CDH13: variants seen among roughly 807,000 people sequenced by gnomAD.
The protein encoded by CDH13 is cadherin-13.
CDH13 carries 24 observed loss-of-function variants against 63.8 expected under a neutral mutation model. The observed-to-expected ratio is 0.38, with a 90% CI of 0.27 to 0.53. The LOEUF is 0.53. Among genes scored for constraint, CDH13 ranks in the 20% least tolerant of loss-of-function variants. The probability of loss-of-function intolerance (pLI) is 0.85; values close to 1 mark genes in which losing one functional copy is unlikely to be tolerated. For synonymous variants in CDH13, 503 were observed against 355.3 expected (o/e 1.42, Z -4.67); for missense variants, 1,049 against 903.1 (o/e 1.16, Z -2.07).
intron 3 of CDH13, among the ~76,000 whole-genome samples, chr16:83,054,849 C>T (rs1346053048): frequency 4.6e-5 from 7 of 151,906 alleles, no homozygotes; most frequent in African/African-American, 1.7e-4. Flanking sequence ...TTTTACTAAA[C>T]AAAATTTGGT....
chr16:83,359,321 A>G (rs997111053), intron 6 of CDH13, among the ~76,000 whole-genome samples: 3 of 152,214 alleles, frequency 2.0e-5, no homozygotes, highest in African/African-American at 4.8e-5. Flanking sequence ...CAATGCCCCA[A>G]AAGGATGGCT....
chr16:82,669,624 A>G (rs999643161), intron 1 of CDH13, among the ~76,000 whole-genome samples: 6 of 152,388 alleles, frequency 3.9e-5, no homozygotes, highest in Middle Eastern at 3.4e-3. Flanking sequence ...TAATTGTAGT[A>G]TGGCCCAATG....
intron 4 of CDH13, among the ~76,000 whole-genome samples, chr16:83,143,578 C>G (rs370390260): frequency 6.6e-6 from 1 of 152,158 alleles, no homozygotes; most frequent in African/African-American, 2.4e-5. Flanking sequence ...AGTTCCTTAT[C>G]TTAAACAGAA....
chr16:83,752,291 C>T (rs1444009365), intron 11 of CDH13, among the ~76,000 whole-genome samples: 2 of 152,180 alleles, frequency 1.3e-5, no homozygotes, highest in Non-Finnish European at 2.9e-5. Flanking sequence ...TGAATTGTTA[C>T]CAGAAGCGAG....
At chr16:82,861,440 C>T (rs1471811589) in intron 2 of CDH13, among the ~76,000 whole-genome samples, 2 of 152,190 alleles carry the variant, frequency 1.3e-5, no homozygotes, top group Non-Finnish European at 2.9e-5. Context: ...CATAGTATAT[C>T]TACCCCTACC....
At chr16:83,257,842 A>G (rs1170411713) in intron 5 of CDH13, among the ~76,000 whole-genome samples, 1 of 152,232 alleles carries the variant, frequency 6.6e-6, no homozygotes, top group Non-Finnish European at 1.5e-5. Context: ...AGGAATCGCC[A>G]TACTATCTTC....
chr16:82,936,524 G>A (rs933354298), intron 2 of CDH13, among the ~76,000 whole-genome samples: 4 of 152,124 alleles, frequency 2.6e-5, no homozygotes, highest in Non-Finnish European at 5.9e-5. Flanking sequence ...CCTTGGTGCT[G>A]AAAAGGTTGG....
chr16:83,524,582 A>G (rs1457906294), intron 7 of CDH13, among the ~76,000 whole-genome samples: 2 of 149,668 alleles, frequency 1.3e-5, no homozygotes, highest in African/African-American at 4.9e-5. Context: ...CCTCCCAAGT[A>G]GCTGGGACTA....
chr16:82,809,915 G>A (rs7188850), intron 1 of CDH13, among the ~76,000 whole-genome samples: 27,269 of 151,828 alleles, frequency 0.18, 3,275 homozygotes, highest in East Asian at 0.61. Context: ...GAAAAAAAAA[G>A]GGACAGATTT....
At chr16:82,783,427 C>T (rs999749854) in intron 1 of CDH13, among the ~76,000 whole-genome samples, 8 of 152,322 alleles carry the variant, frequency 5.3e-5, no homozygotes, top group South Asian at 2.1e-4. Context: ...TGCAGAGCTG[C>T]GTGAGCCTGC....
intron 3 of CDH13, among the ~76,000 whole-genome samples, chr16:83,117,395 TTCCACTGCCATC>T (rs1032305957): frequency 2.7e-5 from 3 of 111,324 alleles, no homozygotes; most frequent in Non-Finnish European, 6.1e-5. Context: ...TTCCTCCATC[TTCCACTGCCATC>T]TCCTCGGTGG....
chr16:82,627,898 C>T (rs969451474), intron 1 of CDH13, among the ~76,000 whole-genome samples: 1 of 152,250 alleles, frequency 6.6e-6, no homozygotes, highest in Non-Finnish European at 1.5e-5. Context: ...CTGCTGCCTT[C>T]CCTGAGCGGG....
intron 1 of CDH13, among the ~76,000 whole-genome samples, chr16:82,693,727 C>T (rs1009667927): frequency 3.3e-4 from 51 of 152,278 alleles, no homozygotes; most frequent in African/African-American, 1.2e-3. Flanking sequence ...TTTATTTGAG[C>T]TATTGCCTAT....
intron 7 of CDH13, among the ~76,000 whole-genome samples, chr16:83,582,288 T>G (rs546159047): frequency 6.6e-6 from 1 of 152,168 alleles, no homozygotes; most frequent in Non-Finnish European, 1.5e-5. Context: ...AATCCTTTTT[T>G]TTTTCCATCA....
At chr16:83,390,072 T>C (rs1189394679) in intron 6 of CDH13, among the ~76,000 whole-genome samples, 1 of 151,384 alleles carries the variant, frequency 6.6e-6, no homozygotes, top group African/African-American at 2.4e-5. Context: ...GAAAAAAAAA[T>C]GCACATCTCT....
At chr16:82,867,815 T>C (rs576459218) in intron 2 of CDH13, among the ~76,000 whole-genome samples, 130 of 152,330 alleles carry the variant, frequency 8.5e-4, no homozygotes, top group Non-Finnish European at 1.5e-3. Context: ...TTCATGTGGA[T>C]AGTAATAAAT....
intron 5 of CDH13, among the ~76,000 whole-genome samples, chr16:83,248,913 C>G (rs1436000811): frequency 6.6e-6 from 1 of 152,214 alleles, no homozygotes; most frequent in African/African-American, 2.4e-5. Flanking sequence ...TGGTGCATAT[C>G]CAAACTGAAC....
chr16:82,645,151 T>C (rs960339585), intron 1 of CDH13, among the ~76,000 whole-genome samples: 6 of 152,110 alleles, frequency 3.9e-5, no homozygotes, highest in Non-Finnish European at 5.9e-5. Context: ...ATGCCATATC[T>C]CAGAGTACGG....
At chr16:82,955,570 G>C (rs1007052297) in intron 2 of CDH13, among the ~76,000 whole-genome samples, 2 of 150,998 alleles carry the variant, frequency 1.3e-5, no homozygotes, top group Non-Finnish European at 3.0e-5. Flanking sequence ...ACAGGTGGCA[G>C]TTCATTAAAC....
Sources: gnomAD v4.1 joint callset for allele counts (sites outside exome capture counted in the v4.1 genomes callset) on GRCh38, gnomAD v4.1.1 for gene constraint, MANE v1.5 for transcripts, NCBI Gene and HGNC (gene_info 2026-07-23, HGNC 2026-07-21) for gene names.